RNF144A: variants seen among roughly 807,000 people sequenced by gnomAD.
The protein encoded by RNF144A is E3 ubiquitin-protein ligase RNF144A.
A neutral mutation model predicts 38.7 loss-of-function variants in RNF144A; 11 were observed. That is an observed-to-expected ratio of 0.28 (90% confidence interval 0.18 to 0.47). The LOEUF (loss-of-function observed/expected upper bound fraction) is 0.47. RNF144A is among the 20% of genes least tolerant of loss of function. RNF144A has a pLI of 0.99. For synonymous variants in RNF144A, 149 were observed against 143.9 expected, an observed-to-expected ratio of 1.04 and a Z score of -0.25; for missense variants, 316 against 377.2, an observed-to-expected ratio of 0.84 and a Z score of 1.34.
At chr2:6,984,587 C>T (rs1346662222) in intron 2 of RNF144A, among the ~76,000 whole-genome samples, 1 of 152,262 alleles carries the variant, frequency 6.6e-6, no homozygotes, top group Admixed American at 6.5e-5. Context: ...CAGGCGTGAG[C>T]CACCGCACTC....
intron 2 of RNF144A, among the ~76,000 whole-genome samples, chr2:6,969,919 G>A (rs767884845): frequency 1.3e-5 from 2 of 151,940 alleles, no homozygotes; most frequent in Non-Finnish European, 2.9e-5. Flanking sequence ...ACACTGCCAC[G>A]CCCGGCTAAT....
intron 2 of RNF144A, among the ~76,000 whole-genome samples, chr2:6,947,531 A>G (rs1405574698): frequency 6.6e-6 from 1 of 152,208 alleles, no homozygotes; most frequent in Admixed American, 6.5e-5. Flanking sequence ...TTCTACATAT[A>G]TAAAATTTAG....
At chr2:7,048,611 A>G (rs1019724616), downstream of RNF144A, among the ~76,000 whole-genome samples, 3 of 152,168 alleles carry the variant, frequency 2.0e-5, no homozygotes, top group African/African-American at 7.2e-5. Context: ...TGTTAGGGAG[A>G]CTGCAGTAGG....
At chr2:6,919,778 A>C (rs1664414407) in intron 1 of RNF144A, among the ~76,000 whole-genome samples, 1 of 152,156 alleles carries the variant, frequency 6.6e-6, no homozygotes, top group South Asian at 2.1e-4. Flanking sequence ...TGATTTTTGC[A>C]GTTTGTGTTT....
At chr2:7,016,611 A>C (rs1671155572) in intron 5 of RNF144A, among the ~76,000 whole-genome samples, 1 of 57,206 alleles carries the variant, frequency 1.7e-5, no homozygotes, top group Non-Finnish European at 3.4e-5. Flanking sequence ...CATTATGTTC[A>C]AAGTTTTTTT....
At chr2:7,074,551 T>C in the RNF144A span, 1 of 152,248 alleles carries the variant, frequency 6.6e-6, no homozygotes. Flanking sequence ...TTAAATATTT[T>C]CCTGGGCCCT....
In RNF144A at chr2:6,992,503, C is replaced by G. The variant is rs145557789; in HGVS notation, c.-11-4413C>G. Among the ~76,000 whole-genome samples, 371 of 152,118 alleles carry G rather than the reference C, an allele frequency of 2.4e-3. 1 individual carries two copies. The highest frequency in any genetic ancestry group is 7.5e-3 in the African/African-American group (311 of 41,482). On this transcript the variant is annotated intron_variant, in intron 2 of 8. Transcript: ENST00000320892. ...TGAAGGGTTTGTAGGGTGTGGAGAACGGGTAAGGAAGGAAAAGGGAGTTAG... is the reference window on the plus strand; with the variant it reads ...TGAAGGGTTTGTAGGGTGTGGAGAAGGGGTAAGGAAGGAAAAGGGAGTTAG...
intron 6 of RNF144A, among the ~76,000 whole-genome samples, chr2:7,065,030 A>C (rs1175359388): frequency 4.6e-5 from 7 of 152,220 alleles, no homozygotes; most frequent in Non-Finnish European, 1.0e-4. Context: ...CTCTGTGATA[A>C]AGTGAGCCTA....
chr2:7,035,532 C>T (rs905247613), intron 8 of RNF144A, among the ~76,000 whole-genome samples: 1 of 152,194 alleles, frequency 6.6e-6, no homozygotes, highest in Non-Finnish European at 1.5e-5. Flanking sequence ...TGGGTTAGAA[C>T]TTCTTGCCCA....
intron 2 of RNF144A, among the ~76,000 whole-genome samples, chr2:6,964,287 T>C (rs1667515192): frequency 6.6e-6 from 1 of 152,186 alleles, no homozygotes; most frequent in African/African-American, 2.4e-5. Context: ...CTCACACCAG[T>C]TAGAATGGCA....
chr2:6,950,186 T>C, intron 2 of RNF144A, among the ~76,000 whole-genome samples: 1 of 152,220 alleles, frequency 6.6e-6, no homozygotes, highest in South Asian at 2.1e-4. Flanking sequence ...GGTGCTCCCA[T>C]ATATTGCTGC....
At chr2:7,053,772 C>T (rs1047433966) in intron 6 of RNF144A, among the ~76,000 whole-genome samples, 2 of 152,258 alleles carry the variant, frequency 1.3e-5, no homozygotes, top group African/African-American at 4.8e-5. Flanking sequence ...CCAGACCTGC[C>T]AGACTCAGCA....
chr2:6,996,691 T>G (rs1669762955), intron 2 of RNF144A: 4 of 494,146 alleles, frequency 8.1e-6, no homozygotes, highest in Non-Finnish European at 1.5e-5. Flanking sequence ...GAGGCGGAGG[T>G]TGCAGTGAGC....
chr2:6,940,612 G>A (rs747457098), intron 1 of RNF144A, among the ~76,000 whole-genome samples: 5 of 151,976 alleles, frequency 3.3e-5, no homozygotes, highest in Admixed American at 6.6e-5. Context: ...AGAAGCAAGC[G>A]TTTCTGTGGA....
In RNF144A at chr2:6,972,412, G is replaced by A. The variant is rs550044243; in HGVS notation, c.-11-24504G>A. Among the ~76,000 whole-genome samples, 3 of 152,260 alleles carry A rather than the reference G, an allele frequency of 2.0e-5. No individual in the cohort carries two copies. In the South Asian group the frequency reaches 6.2e-4, roughly 32 times the overall value. On this transcript the variant is annotated intron_variant, in intron 2 of 8. Coordinates refer to ENST00000320892, the MANE Select transcript of RNF144A (RefSeq NM_014746.6). ...ACCCTCTTTAACTGCACATGGCTTCGTGTGTTTATCACTTATTTTTTCCTT... is the reference window on the plus strand; with the variant it reads ...ACCCTCTTTAACTGCACATGGCTTCATGTGTTTATCACTTATTTTTTCCTT...
At chr2:7,051,803 C>A (rs574756455) in intron 6 of RNF144A, among the ~76,000 whole-genome samples, 1 of 152,150 alleles carries the variant, frequency 6.6e-6, no homozygotes, top group African/African-American at 2.4e-5. Context: ...GCAGGAGAAT[C>A]GCTTGAATCC....
intron 2 of RNF144A, among the ~76,000 whole-genome samples, chr2:6,969,499 CT>C (rs1667868653): frequency 6.6e-6 from 1 of 152,172 alleles, no homozygotes; most frequent in East Asian, 1.9e-4. Flanking sequence ...GCTCCTGCAT[CT>C]TCCAGAAGTG....
intron 1 of RNF144A, among the ~76,000 whole-genome samples, chr2:6,937,739 G>A (rs1453294144): frequency 1.3e-5 from 2 of 152,140 alleles, no homozygotes; most frequent in East Asian, 1.9e-4. Context: ...CTCTGTGCAC[G>A]GCCAGGTGAT....
rs1673086090 is a variant in RNF144A, at chr2:7,042,192, G to A, written c.*2432G>A. 22 of 985,344 alleles carry A rather than the reference G, an allele frequency of 2.2e-5. No individual in the cohort carries two copies. The highest frequency in any genetic ancestry group is 2.7e-5 in the Non-Finnish European group (22 of 829,866). The allele number at this position is 985,344 out of a possible 1,614,324, so 61.0% of individuals were successfully genotyped here. A position where few individuals can be genotyped will look rare whatever the true frequency, so the allele number is the denominator to read the frequency against. On this transcript the variant is annotated 3_prime_UTR_variant, in exon 9 of 9. Coordinates refer to ENST00000320892, the MANE Select transcript of RNF144A (RefSeq NM_014746.6). Reference sequence around the variant, plus strand: ...TAAACTCGCATTTCCTTCTGTTTTAGTAAGGAGTGCCAGACTTATCTTTGA... The same window carrying A: ...TAAACTCGCATTTCCTTCTGTTTTAATAAGGAGTGCCAGACTTATCTTTGA...
Sources: allele counts gnomAD v4.1 joint callset (sites outside exome capture counted in the v4.1 genomes callset), GRCh38; gene constraint gnomAD v4.1.1; transcripts MANE v1.5; gene names NCBI Gene and HGNC (gene_info 2026-07-23, HGNC 2026-07-21).